Variants in SLC17A1 observed in about 807,000 individuals in gnomAD.
SLC17A1 encodes the protein sodium-dependent phosphate transport protein 1.
In SLC17A1, 51 loss-of-function variants were observed where a neutral mutation model predicts 53.5. The ratio of observed to expected loss-of-function variants is 0.95; its 90% CI spans 0.76 to 1.20. The LOEUF is 1.20. Among genes scored for constraint, SLC17A1 ranks in the 50% most tolerant of loss-of-function variants. The pLI is 0.00. For missense variants in SLC17A1, 538 were observed against 568.2 expected (o/e 0.95, Z 0.54); for synonymous variants, 179 against 198.8 (o/e 0.90, Z 0.84).
chr6:25,826,732 T>A, intron 2 of SLC17A1, 99 bp from the exon 3 acceptor site: 1 of 759,850 alleles, frequency 1.3e-6, no homozygotes. Flanking sequence ...GCCCTAGATA[T>A]TAATTTAAAA....
At chr6:25,770,395 A>T in the SLC17A1 span, 1 of 1,614,100 alleles carries the variant, frequency 6.2e-7, no homozygotes, top group African/African-American at 1.3e-5. Context: ...TTATGGTATT[A>T]ACTGGTCAGT....
chr6:25,766,737 C>T, the SLC17A1 span, among the ~76,000 whole-genome samples: 35 of 152,088 alleles, frequency 2.3e-4, no homozygotes, highest in Non-Finnish European at 3.1e-4. Context: ...TAAGGGATGC[C>T]CCACAAAACA....
chr6:25,744,603 T>A, the SLC17A1 span, among the ~76,000 whole-genome samples: 41,334 of 152,102 alleles, frequency 0.27, 6,831 homozygotes, highest in East Asian at 0.7. Context: ...GTATTTACTC[T>A]CCATGCTCTT....
chr6:25,764,579 C>T, the SLC17A1 span, among the ~76,000 whole-genome samples: 1 of 152,222 alleles, frequency 6.6e-6, no homozygotes. Context: ...GAGCCAAGAG[C>T]TCATAAAACT....
chr6:25,788,971 ATAGGTAGG>A (rs70977229), intron 12 of SLC17A1, among the ~76,000 whole-genome samples: 3 of 151,688 alleles, frequency 2.0e-5, no homozygotes, highest in Middle Eastern at 3.2e-3. Flanking sequence ...GAATAGAAAG[ATAGGTAGG>A]TAGGTAGGTA....
At chr6:25,831,748 C>T (rs1010501350) in intron 1 of SLC17A1, among the ~76,000 whole-genome samples, 2 of 152,150 alleles carry the variant, frequency 1.3e-5, no homozygotes, top group African/African-American at 2.4e-5. Context: ...GCTATACAAG[C>T]ATCACACACT....
At chr6:25,770,143 C>T in the SLC17A1 span, 6 of 1,614,086 alleles carry the variant, frequency 3.7e-6, no homozygotes, top group Non-Finnish European at 5.1e-6. Context: ...TTCTTGGCTC[C>T]AATCCCCAGT....
chr6:25,770,950 T>G, the SLC17A1 span: 2 of 1,613,934 alleles, frequency 1.2e-6, no homozygotes, highest in South Asian at 2.2e-5. Context: ...TCCTTCATTG[T>G]TCTACTTGCT....
downstream of SLC17A1, chr6:25,778,087 G>T (rs769894042): frequency 2.7e-6 from 3 of 1,122,934 alleles, no homozygotes; most frequent in Non-Finnish European, 2.6e-6. Context: ...ACATATGCAC[G>T]GCCTTGTATC....
chr6:25,744,570 A>C, the SLC17A1 span, among the ~76,000 whole-genome samples: 10 of 152,334 alleles, frequency 6.6e-5, no homozygotes, highest in Middle Eastern at 6.8e-3. Flanking sequence ...AAATTTAGAA[A>C]GGTGAAAATA....
the SLC17A1 span, chr6:25,773,584 C>T: frequency 1.2e-6 from 2 of 1,613,962 alleles, no homozygotes; most frequent in Non-Finnish European, 1.7e-6. Context: ...CCATTTTAGT[C>T]TCTTATTTCT....
At chr6:25,770,587 T>A in the SLC17A1 span, 1 of 928,142 alleles carries the variant, frequency 1.1e-6, no homozygotes. Flanking sequence ...GTCCTTTCCT[T>A]AAAGCACTAC....
the SLC17A1 span, among the ~76,000 whole-genome samples, chr6:25,730,528 G>T: frequency 6.6e-6 from 1 of 152,148 alleles, no homozygotes; most frequent in African/African-American, 2.4e-5. Context: ...TTGGTTAAAG[G>T]ATATGAAATT....
chr6:25,759,751 G>T, the SLC17A1 span, among the ~76,000 whole-genome samples: 3 of 152,064 alleles, frequency 2.0e-5, no homozygotes, highest in Non-Finnish European at 4.4e-5. Flanking sequence ...TTTACCTTAA[G>T]TTTATGTGAA....
chr6:25,762,233 T>C, the SLC17A1 span, among the ~76,000 whole-genome samples: 2 of 152,222 alleles, frequency 1.3e-5, no homozygotes, highest in African/African-American at 2.4e-5. Flanking sequence ...ATTATTTCAT[T>C]TCTCATAAGA....
At chr6:25,741,348 T>C in the SLC17A1 span, among the ~76,000 whole-genome samples, 34 of 146,362 alleles carry the variant, frequency 2.3e-4, no homozygotes, top group Middle Eastern at 3.8e-3. Flanking sequence ...GGTGGGTGTA[T>C]CACTTGAGGT....
At chr6:25,778,938 T>A (rs186111273), downstream of SLC17A1, 1 of 1,352,348 alleles carries the variant, frequency 7.4e-7, no homozygotes, top group Middle Eastern at 2.1e-4. Flanking sequence ...GGGAAGCCCA[T>A]GGAAGCCAGA....
chr6:25,726,415 C>T, the SLC17A1 span: 3 of 1,614,140 alleles, frequency 1.9e-6, no homozygotes, highest in East Asian at 2.2e-5. Flanking sequence ...TGCATAGTTT[C>T]CCTTACGAAG....
At chr6:25,731,822 C>T in the SLC17A1 span, 6 of 1,601,936 alleles carry the variant, frequency 3.7e-6, no homozygotes, top group Non-Finnish European at 5.1e-6. Flanking sequence ...CCTTGGTGCC[C>T]TCCGACACAA....
Sources: allele counts gnomAD v4.1 joint callset (sites outside exome capture counted in the v4.1 genomes callset), GRCh38; gene constraint gnomAD v4.1.1; transcripts MANE v1.5; gene names NCBI Gene and HGNC (gene_info 2026-07-23, HGNC 2026-07-21).